Variants in PUM1 observed in about 807,000 individuals in gnomAD.
The protein encoded by PUM1 is pumilio RNA binding family member 1, also known as pumilio homolog 1.
PUM1 carries 13 observed loss-of-function variants against 131.8 expected under a neutral mutation model. The observed-to-expected ratio is 0.10, with a 90% CI of 0.06 to 0.16. The LOEUF (loss-of-function observed/expected upper bound fraction) is 0.16. PUM1 is among the 10% of genes least tolerant of loss of function. The pLI is 1.00. For missense variants in PUM1, 961 were observed against 1,512.4 expected (o/e 0.64, Z 6.05); for synonymous variants, 509 against 556.5 (o/e 0.91, Z 1.20).
chr1:30,936,901 C>T (rs1639233539), intron 20 of PUM1, 66 bp from the exon 21 acceptor site: 2 of 1,404,914 alleles, frequency 1.4e-6, no homozygotes, highest in Admixed American at 3.9e-5. Flanking sequence ...GCTGTGCTTG[C>T]CTAGCTTCTG....
At chr1:31,009,183 C>CA (rs946077936) in intron 3 of PUM1, among the ~76,000 whole-genome samples, 1,833 of 131,246 alleles carry the variant, frequency 0.014, 21 homozygotes, top group African/African-American at 0.04. Context: ...ACTCCATCTT[C>CA]AAAAAAAAAA....
chr1:31,038,984 A>ATATATTTTTTTTTTTTTTTTTTTT, intron 2 of PUM1, among the ~76,000 whole-genome samples: 2 of 49,418 alleles, frequency 4.0e-5, no homozygotes, highest in Admixed American at 2.2e-4. Context: ...ATATATATAT[A>ATATATTTTTTTTTTTTTTTTTTTT]TTTTTTTTTT....
intron 7 of PUM1, 90 bp downstream of exon 7, chr1:30,992,300 A>C: frequency 1.3e-6 from 2 of 1,516,864 alleles, no homozygotes; most frequent in South Asian, 1.3e-5. Flanking sequence ...AAACAATGCC[A>C]CCACCTCCCC....
intron 2 of PUM1, among the ~76,000 whole-genome samples, chr1:31,042,168 T>G (rs1643839485): frequency 1.3e-5 from 2 of 151,978 alleles, no homozygotes; most frequent in Admixed American, 1.3e-4. Flanking sequence ...TAGCCAAGCA[T>G]GGTGGTGCAT....
chr1:31,042,561 C>T (rs1643855840), intron 2 of PUM1, among the ~76,000 whole-genome samples: 1 of 152,172 alleles, frequency 6.6e-6, no homozygotes, highest in African/African-American at 2.4e-5. Context: ...TGCTTTCACT[C>T]AAAATGGCAG....
rs577847873 is a variant in PUM1 at position 31,039,853 on chromosome 1, G to GC, written c.364-10990dup. Among the ~76,000 whole-genome samples, 48 of 152,030 alleles carry GC rather than the reference G, an allele frequency of 3.2e-4. 1 individual carries two copies. The East Asian group carries it at 7.0e-3, about 22-fold the overall frequency. On this transcript the variant is annotated intron_variant, in intron 2 of 21. Transcript: ENST00000426105. ...GGCAGAGGCTGCAGTGAGACAGAAAGCTGAGATGCTGCCACTGTGCTCCAG... is the reference window on the plus strand; with the variant it reads ...GGCAGAGGCTGCAGTGAGACAGAAAGCCTGAGATGCTGCCACTGTGCTCCAG...
At chr1:30,978,574 A>T (rs189257230) in intron 9 of PUM1, among the ~76,000 whole-genome samples, 18 of 152,384 alleles carry the variant, frequency 1.2e-4, no homozygotes, top group Middle Eastern at 3.4e-3. Context: ...TGCAAATTAC[A>T]TGTTACATAA....
chr1:30,969,547 A>G (rs1046848186), intron 10 of PUM1, among the ~76,000 whole-genome samples: 10 of 151,996 alleles, frequency 6.6e-5, no homozygotes, highest in Non-Finnish European at 1.3e-4. Context: ...TCACCTGACT[A>G]TTTCTATTTC....
Position 31,005,975 on chromosome 1 carries a change from C to T in PUM1, c.598G>A (p.Val200Met), listed in dbSNP as rs1642388716. 1 of 1,613,280 alleles carries T rather than the reference C, an allele frequency of 6.2e-7. No individual in the cohort carries two copies. The highest frequency in any genetic ancestry group is 8.5e-7 in the Non-Finnish European group (1 of 1,179,790). Residue 200 changes from valine to methionine, a missense_variant, in exon 5 of 22, where the codon GTG becomes ATG. By Grantham distance (21) the Val-to-Met change is conservative. Transcript: ENST00000426105. ...VQRRPGQSFH[V>M]NSEVNSVLSP... ...AGTACAGAATTGACCTCACTGTTCA[C>T]ATGGAAACTCTGACCAGGTCTTCTC...
chr1:31,025,479 C>T (rs1643185317), intron 3 of PUM1, among the ~76,000 whole-genome samples: 1 of 151,916 alleles, frequency 6.6e-6, no homozygotes. Flanking sequence ...AGATATGGTG[C>T]CTAGCTTAAA....
chr1:31,022,619 G>T (rs1018169360), intron 3 of PUM1, among the ~76,000 whole-genome samples: 1 of 152,144 alleles, frequency 6.6e-6, no homozygotes, highest in South Asian at 2.1e-4. Context: ...TCCTCAAAGT[G>T]CCCAATCCCA....
chr1:31,023,306 G>T (rs1570293120), intron 3 of PUM1, among the ~76,000 whole-genome samples: 1 of 152,200 alleles, frequency 6.6e-6, no homozygotes, highest in South Asian at 2.1e-4. Flanking sequence ...ATATGATTTT[G>T]CTGGCAGACA....
chr1:31,003,760 T>C (rs1195680724), intron 5 of PUM1, among the ~76,000 whole-genome samples: 3 of 151,978 alleles, frequency 2.0e-5, no homozygotes, highest in Non-Finnish European at 2.9e-5. Flanking sequence ...TCCACCTCAA[T>C]AATAATAACA....
At chr1:31,002,963 T>C (rs1361136414) in intron 5 of PUM1, among the ~76,000 whole-genome samples, 1 of 152,236 alleles carries the variant, frequency 6.6e-6, no homozygotes, top group Non-Finnish European at 1.5e-5. Context: ...GGTAAAACAC[T>C]ACATAGAGAT....
At chr1:30,955,007 T>C (rs1485693764) in intron 14 of PUM1, among the ~76,000 whole-genome samples, 1 of 151,616 alleles carries the variant, frequency 6.6e-6, no homozygotes, top group African/African-American at 2.4e-5. Flanking sequence ...AGGTCGAGGC[T>C]GCAGTAAGCC....
intron 9 of PUM1, among the ~76,000 whole-genome samples, chr1:30,975,026 G>A (rs1030294010): frequency 1.3e-5 from 2 of 152,182 alleles, no homozygotes; most frequent in Admixed American, 6.5e-5. Flanking sequence ...GGAAGAAGCA[G>A]TGGGGAATGA....
chr1:31,033,799 C>T (rs1392984712), intron 2 of PUM1, among the ~76,000 whole-genome samples: 2 of 152,150 alleles, frequency 1.3e-5, no homozygotes, highest in African/African-American at 4.8e-5. Flanking sequence ...CACACCACCA[C>T]ACCCAGCTAA....
At chr1:31,010,241 C>T (rs769395178) in intron 3 of PUM1, among the ~76,000 whole-genome samples, 10 of 152,278 alleles carry the variant, frequency 6.6e-5, no homozygotes, top group East Asian at 1.9e-4. Flanking sequence ...AAAACATATG[C>T]GTCTATACTC....
chr1:31,038,892 T>C (rs887637856), intron 2 of PUM1, among the ~76,000 whole-genome samples: 4 of 147,224 alleles, frequency 2.7e-5, no homozygotes, highest in African/African-American at 1.0e-4. Context: ...ACAGTCTAAA[T>C]ACAGCAGTAA....
Sources: allele counts gnomAD v4.1 joint callset (sites outside exome capture counted in the v4.1 genomes callset), GRCh38; gene constraint gnomAD v4.1.1; transcripts MANE v1.5; gene names NCBI Gene and HGNC (gene_info 2026-07-23, HGNC 2026-07-21).